The following TUBB4B variants were observed in gnomAD, a reference collection of about 807,000 sequenced individuals.
The protein encoded by TUBB4B is tubulin beta-4B chain.
TUBB4B carries 7 observed loss-of-function variants against 34.3 expected under a neutral mutation model. The ratio of observed to expected loss-of-function variants is 0.20; its 90% CI spans 0.12 to 0.38. The LOEUF is 0.38. TUBB4B is among the 10% of genes least tolerant of loss of function. TUBB4B has a pLI of 1.00. For synonymous variants in TUBB4B, 390 were observed against 250.2 expected (o/e 1.56, Z -5.27); for missense variants, 178 against 610.9 (o/e 0.29, Z 7.47).
chr9:137,242,446 A>T (rs756412588), intron 3 of TUBB4B, 50 bp from the exon 4 acceptor site: 1 of 1,585,640 alleles, frequency 6.3e-7, no homozygotes, highest in Admixed American at 1.7e-5. Flanking sequence ...GGCGGTGACC[A>T]GTAGTGCTGT....
In TUBB4B at chr9:137,243,680, A is replaced by G. The variant is rs773201309; in HGVS notation, c.*124A>G. 1.2e-6 allele frequency: 2 copies of G among 1,614,058 alleles called. No individual in the cohort carries two copies. Among genetic ancestry groups the G allele is most frequent in the South Asian group, 1.1e-5 (1 of 91,080 alleles). ...CCCTGTCCACATCCATGCTGTACAG[A>G]CACCACCATTAAAGCATTTTCATAG... is the stretch of plus-strand genomic sequence containing the variant. On this transcript the variant is annotated 3_prime_UTR_variant, in exon 4 of 4. Coordinates refer to ENST00000340384, the MANE Select transcript of TUBB4B (RefSeq NM_006088.6).
rs533618264 is a variant in TUBB4B at position 137,241,318 on chromosome 9, T to G, written c.-43T>G. ...CTGCGCGCCCGCTCTTCTGCTGCTG[T>G]TTGTCTACTTCCTCCTGCTTCCCCG... On this transcript the variant is annotated 5_prime_UTR_variant, in exon 1 of 4. Transcript: ENST00000340384. 1.9e-6 allele frequency: 3 copies of G among 1,581,158 alleles called. No individual in the cohort carries two copies. Among genetic ancestry groups the G allele is most frequent in the African/African-American group, 1.4e-5 (1 of 73,636 alleles).
intron 3 of TUBB4B, 65 bp from the exon 4 acceptor site, chr9:137,242,430 TC>T: frequency 6.4e-7 from 1 of 1,560,074 alleles, no homozygotes; most frequent in Middle Eastern, 1.7e-4. Flanking sequence ...TCGGCTTTTT[TC>T]GCATGGCGGT....
Position 137,243,690 on chromosome 9 carries a change from T to A in TUBB4B, c.*134T>A. On this transcript the variant is annotated 3_prime_UTR_variant, in exon 4 of 4. Transcript: ENST00000340384. ...ATCCATGCTGTACAGACACCACCAT[T>A]AAAGCATTTTCATAGTGTGTGGTTT... 6.2e-7 allele frequency: 1 copy of A among 1,614,072 alleles called. No individual in the cohort carries two copies. The highest frequency in any genetic ancestry group is 8.5e-7 in the Non-Finnish European group (1 of 1,179,958).
Position 137,241,723 on chromosome 9 carries a change from T to C in TUBB4B, c.60T>C (p.Phe20=), listed in dbSNP as rs756415536. 7 of 1,609,716 alleles carry C rather than the reference T, an allele frequency of 4.3e-6. No individual in the cohort carries two copies. The Admixed American group carries it at 1.0e-4, about 23-fold the overall frequency. ...GQCGNQIGAK[F]WEVISDEHGI... ...GGGCCCGCCCGCGTCCCTTGTAGTT[T>C]TGGGAGGTGATCAGCGATGAGCACG... is the stretch of plus-strand genomic sequence containing the variant. Residue 20 remains phenylalanine (F), a splice_region_variant and synonymous_variant, in exon 2 of 4, where the codon TTT becomes TTC. Coordinates refer to ENST00000340384, the MANE Select transcript of TUBB4B (RefSeq NM_006088.6).
chr9:137,243,415 G>A lies in TUBB4B; in HGVS notation c.1197G>A (p.Thr399=), dbSNP rs143919939. The part of the protein sequence containing the change: ...FRRKAFLHWY[T]GEGMDEMEFT... ...GCAAGGCCTTCCTGCACTGGTACAC[G>A]GGCGAGGGCATGGACGAGATGGAGT... The change falls in exon 4 of 4, where the codon ACG becomes ACA. Residue 399 remains threonine (T), a synonymous_variant. Coordinates refer to ENST00000340384, the MANE Select transcript of TUBB4B (RefSeq NM_006088.6). 3.5e-5 allele frequency: 57 copies of A among 1,613,484 alleles called. No individual in the cohort carries two copies. The highest frequency in any genetic ancestry group is 2.2e-4 in the South Asian group (20 of 91,094).
chr9:137,241,632 C>T (rs1163751214), intron 1 of TUBB4B, 89 bp from the exon 2 acceptor site: 6 of 902,842 alleles, frequency 6.6e-6, no homozygotes, highest in Admixed American at 5.6e-5. Context: ...GCCGGGCTGC[C>T]GCGCCCGTCC....
intron 1 of TUBB4B, 144 bp from the exon 2 acceptor site, chr9:137,241,577 G>A (rs1471292937): frequency 3.2e-5 from 22 of 681,656 alleles, no homozygotes; most frequent in Non-Finnish European, 4.0e-5. Context: ...AAGCCCCCAG[G>A]AACCCGGCGG....
Position 137,243,309 on chromosome 9 carries a change from C to G in TUBB4B, c.1091C>G (p.Ser364Cys). ...CDIPPRGLKMSATFIGNSTAI... is the reference protein window; with the variant it reads ...CDIPPRGLKMCATFIGNSTAI... ...ATCCCACCTCGGGGGCTAAAAATGT[C>G]CGCCACCTTCATTGGCAACAGCACG... The change falls in exon 4 of 4, where the codon TCC becomes TGC. Residue 364 changes from serine to cysteine, a missense_variant. Coordinates refer to ENST00000340384, the MANE Select transcript of TUBB4B (RefSeq NM_006088.6). The G allele has an allele frequency of 6.2e-7, 1 of 1,613,644 alleles. No individual in the cohort carries two copies. Among genetic ancestry groups the G allele is most frequent in the Non-Finnish European group, 8.5e-7 (1 of 1,180,038 alleles).
chr9:137,241,817 AATGAGGCCACCG>A lies in TUBB4B; in HGVS notation c.155_166del (p.Asn52_Gly56delinsSer). The A allele has an allele frequency of 6.2e-7, 1 of 1,612,286 alleles. No individual in the cohort carries two copies. Among genetic ancestry groups the A allele is most frequent in the Non-Finnish European group, 8.5e-7 (1 of 1,179,612 alleles). On this transcript the variant is annotated inframe_deletion and splice_region_variant, in exon 2 of 4. Transcript: ENST00000340384. Reference sequence around the variant, plus strand: ...GCTGGAACGCATCAACGTGTACTACAATGAGGCCACCGGTGAGGCCCCGGCCCCTTCCCCGAC... The same window carrying A: ...GCTGGAACGCATCAACGTGTACTACAGTGAGGCCCCGGCCCCTTCCCCGAC...
At position 137,241,292 on chromosome 9, in the gene TUBB4B, T is replaced by G; in HGVS notation, c.-69T>G. On this transcript the variant is annotated 5_prime_UTR_variant, in exon 1 of 4. Transcript: ENST00000340384. ...GTTGGCGGAGCGTCGGTTGTAGCAC[T>G]CTGCGCGCCCGCTCTTCTGCTGCTG... 6.6e-7 allele frequency: 1 copy of G among 1,519,358 alleles called. No individual in the cohort carries two copies. The highest frequency in any genetic ancestry group is 8.9e-7 in the Non-Finnish European group (1 of 1,125,978). 94.1% of individuals were successfully genotyped at this position (1,519,358 alleles called of 1,614,324 possible).
At position 137,243,176 on chromosome 9, in the gene TUBB4B, C is replaced by T; in HGVS notation, c.958C>T (p.Arg320Cys). Reference protein sequence around the residue: ...YLTVAAVFRGRMSMKEVDEQM... With the variant: ...YLTVAAVFRGCMSMKEVDEQM... Reference sequence around the variant, plus strand: ...GACGGTTGCCGCCGTGTTCAGGGGCCGCATGTCCATGAAGGAGGTGGATGA... The same window carrying T: ...GACGGTTGCCGCCGTGTTCAGGGGCTGCATGTCCATGAAGGAGGTGGATGA... The change falls in exon 4 of 4, where the codon CGC becomes TGC. Residue 320 changes from arginine to cysteine, a missense_variant. Physicochemically the swap from Arg to Cys is radical, Grantham distance 180. Transcript: ENST00000340384. The T allele has an allele frequency of 6.2e-7, 1 of 1,613,070 alleles. No homozygotes were observed. The highest frequency in any genetic ancestry group is 8.5e-7 in the Non-Finnish European group (1 of 1,179,936).
At chr9:137,242,176 C>A (rs190085069) in intron 3 of TUBB4B, 155 bp downstream of exon 3, 1 of 785,340 alleles carries the variant, frequency 1.3e-6, no homozygotes, top group Non-Finnish European at 2.0e-6. Context: ...GAGCAAGGTC[C>A]AGCTGTCTGC....
rs777725566 is a variant in TUBB4B, at chr9:137,241,351, C to G, written c.-10C>G. The G allele has an allele frequency of 1.3e-6, 2 of 1,599,852 alleles. No homozygotes were observed. The highest frequency in any genetic ancestry group is 3.3e-5 in the Admixed American group (2 of 59,802). On this transcript the variant is annotated 5_prime_UTR_variant, in exon 1 of 4. Coordinates refer to ENST00000340384, the MANE Select transcript of TUBB4B (RefSeq NM_006088.6). Reference sequence around the variant, plus strand: ...CTTCCTCCTGCTTCCCCGCCGCCGCCGCCGCCATCATGAGGGAAATCGTGC... The same window carrying G: ...CTTCCTCCTGCTTCCCCGCCGCCGCGGCCGCCATCATGAGGGAAATCGTGC...
rs1225698382 is a variant in TUBB4B, at chr9:137,241,840, G to A, written c.166+11G>A. On this transcript the variant is annotated intron_variant, in intron 2 of 3. Coordinates refer to ENST00000340384, the MANE Select transcript of TUBB4B (RefSeq NM_006088.6). ...ACAATGAGGCCACCGGTGAGGCCCC[G>A]GCCCCTTCCCCGACCGCCCTCCGGG... 3.1e-6 allele frequency: 5 copies of A among 1,612,056 alleles called. No individual in the cohort carries two copies. Among genetic ancestry groups the A allele is most frequent in the South Asian group, 2.2e-5 (2 of 91,082 alleles).
In TUBB4B at chr9:137,243,519, G is replaced by T; in HGVS notation, c.1301G>T (p.Gly434Val). The change falls in exon 4 of 4, where the codon GGC becomes GTC. Residue 434 changes from glycine to valine, a missense_variant. Coordinates refer to ENST00000340384, the MANE Select transcript of TUBB4B (RefSeq NM_006088.6). ...QYQDATAEEE[G>V]EFEEEAEEEV... is the part of the protein sequence containing the mutation. ...CAGGATGCCACAGCCGAGGAGGAGG[G>T]CGAGTTCGAGGAGGAGGCTGAGGAG... 6.2e-7 allele frequency: 1 copy of T among 1,613,946 alleles called. No homozygotes were observed. The highest frequency in any genetic ancestry group is 8.5e-7 in the Non-Finnish European group (1 of 1,180,014).
rs2131432388 is a variant in TUBB4B at position 137,241,317 on chromosome 9, G to GT, written c.-41dup. The GT allele has an allele frequency of 3.2e-6, 5 of 1,583,994 alleles. No individual in the cohort carries two copies. The East Asian group carries it at 9.3e-5, about 29-fold the overall frequency. ...TCTGCGCGCCCGCTCTTCTGCTGCT[G>GT]TTTGTCTACTTCCTCCTGCTTCCCC... On this transcript the variant is annotated 5_prime_UTR_variant, in exon 1 of 4. Coordinates refer to ENST00000340384, the MANE Select transcript of TUBB4B (RefSeq NM_006088.6).
chr9:137,241,816 C>T lies in TUBB4B; in HGVS notation c.153C>T (p.Tyr51=), dbSNP rs11545607. 1.5e-5 allele frequency: 24 copies of T among 1,612,224 alleles called. No homozygotes were observed. The highest frequency in any genetic ancestry group is 2.2e-5 in the East Asian group (1 of 44,880). Residue 51 remains tyrosine, a synonymous_variant, in exon 2 of 4, where the codon TAC becomes TAT. Transcript: ENST00000340384. ...DLQLERINVY[Y]NEATGGKYVP... ...AGCTGGAACGCATCAACGTGTACTA[C>T]AATGAGGCCACCGGTGAGGCCCCGG... is the stretch of plus-strand genomic sequence containing the variant.
In TUBB4B at chr9:137,243,566, T is replaced by G. The variant is rs375069372; in HGVS notation, c.*10T>G. 2.1e-4 allele frequency: 334 copies of G among 1,613,610 alleles called. 1 individual carries two copies. The highest frequency in any genetic ancestry group is 1.6e-4 in the Non-Finnish European group (185 of 1,179,758). On this transcript the variant is annotated 3_prime_UTR_variant, in exon 4 of 4. Transcript: ENST00000340384. ...GGAGGAGGTGGCCTAGAGCCTTCAG[T>G]CACTGGGGAAAGCAGGGAAGCAGTG...
Sources: allele counts gnomAD v4.1 joint callset, GRCh38; gene constraint gnomAD v4.1.1; transcripts MANE v1.5; gene names NCBI Gene and HGNC (gene_info 2026-07-23, HGNC 2026-07-21).